TRIP4: variants seen among roughly 807,000 people sequenced by gnomAD.
TRIP4 encodes activating signal cointegrator 1.
TRIP4 carries 54 observed loss-of-function variants against 81.8 expected under a neutral mutation model. That is an observed-to-expected ratio of 0.66 (90% confidence interval 0.53 to 0.83). The LOEUF (loss-of-function observed/expected upper bound fraction) is 0.83, where lower values mean the gene tolerates loss of function less well. TRIP4 is among the 40% of genes least tolerant of loss of function. The pLI is 0.00. For missense variants in TRIP4, 662 were observed against 683.6 expected (o/e 0.97, Z 0.35); for synonymous variants, 270 against 242.8 (o/e 1.11, Z -1.04).
intron 9 of TRIP4, 103 bp downstream of exon 9, chr15:64,418,831 T>C: frequency 9.5e-7 from 1 of 1,053,342 alleles, no homozygotes; most frequent in Non-Finnish European, 1.3e-6. Flanking sequence ...AGTGATGATT[T>C]ATAATACTCT....
chr15:64,433,445 A>G (rs1892319603), intron 11 of TRIP4, among the ~76,000 whole-genome samples: 1 of 152,046 alleles, frequency 6.6e-6, no homozygotes, highest in Non-Finnish European at 1.5e-5. Flanking sequence ...TACTAAAAAT[A>G]CAAAAAAAAT....
At chr15:64,404,235 C>T (rs571893741) in intron 5 of TRIP4, among the ~76,000 whole-genome samples, 30 of 152,112 alleles carry the variant, frequency 2.0e-4, no homozygotes, top group Admixed American at 5.2e-4. Context: ...TAGCATTGTA[C>T]CCAGAATCCT....
At chr15:64,419,445 G>A (rs558413375) in intron 9 of TRIP4, among the ~76,000 whole-genome samples, 2 of 151,440 alleles carry the variant, frequency 1.3e-5, no homozygotes, top group Admixed American at 6.6e-5. Context: ...TGCAACCTCC[G>A]CCTCCCAGGT....
At chr15:64,407,058 T>C (rs1891639354) in intron 6 of TRIP4, among the ~76,000 whole-genome samples, 1 of 152,158 alleles carries the variant, frequency 6.6e-6, no homozygotes, top group Non-Finnish European at 1.5e-5. Context: ...CATTTTTTTT[T>C]CTTTTGAAAA....
intron 8 of TRIP4, among the ~76,000 whole-genome samples, chr15:64,414,546 T>C (rs1473128677): frequency 3.6e-5 from 5 of 138,052 alleles, no homozygotes; most frequent in African/African-American, 1.4e-4. Flanking sequence ...AGATGGAGTC[T>C]CACTCTGTTG....
At chr15:64,408,366 C>G (rs1891680548) in intron 6 of TRIP4, among the ~76,000 whole-genome samples, 1 of 150,284 alleles carries the variant, frequency 6.7e-6, no homozygotes, top group Non-Finnish European at 1.5e-5. Context: ...TCACGCCATT[C>G]TCCCGCCTCA....
chr15:64,394,718 C>T (rs1285555198), intron 2 of TRIP4, among the ~76,000 whole-genome samples: 1 of 151,900 alleles, frequency 6.6e-6, no homozygotes, highest in Non-Finnish European at 1.5e-5. Flanking sequence ...TTCAGTCGTG[C>T]ATACCTGGAT....
chr15:64,431,080 TTGTC>T (rs1334852898), intron 11 of TRIP4, among the ~76,000 whole-genome samples: 1 of 152,136 alleles, frequency 6.6e-6, no homozygotes, highest in Non-Finnish European at 1.5e-5. Context: ...CACCAATGAA[TTGTC>T]TGTGAGTCTG....
At chr15:64,390,998 A>G (rs1323301378) in intron 1 of TRIP4, among the ~76,000 whole-genome samples, 4 of 152,188 alleles carry the variant, frequency 2.6e-5, no homozygotes, top group African/African-American at 9.7e-5. Flanking sequence ...ATTCACTAGT[A>G]TTCCACAACA....
At chr15:64,454,083 T>C (rs1284374151) in intron 12 of TRIP4, among the ~76,000 whole-genome samples, 1 of 152,080 alleles carries the variant, frequency 6.6e-6, no homozygotes, top group East Asian at 1.9e-4. Context: ...GCCTGTGGTA[T>C]ACTCAGCTGC....
chr15:64,425,934 T>G (rs575892768), intron 11 of TRIP4, among the ~76,000 whole-genome samples: 1 of 152,064 alleles, frequency 6.6e-6, no homozygotes, highest in African/African-American at 2.4e-5. Flanking sequence ...ATACAAAAAA[T>G]TAGCCGGGTG....
At chr15:64,418,849 A>G in intron 9 of TRIP4, 121 bp downstream of exon 9, 1 of 923,958 alleles carries the variant, frequency 1.1e-6, no homozygotes. Context: ...TCTTCAATAA[A>G]TAGAACTTTG....
At position 64,389,851 on chromosome 15, in the gene TRIP4, A is replaced by C. The variant is rs1900068366; in HGVS notation, c.101+1887A>C. Among the ~76,000 whole-genome samples, 3 of 150,004 alleles carry C rather than the reference A, an allele frequency of 2.0e-5. No individual in the cohort carries two copies. The South Asian group carries it at 6.3e-4, about 31-fold the overall frequency. ...CGAGCAGCTGGGATTACAGGCGCGC[A>C]CCACCATGCCTGGCTAATTTTTGTA... On this transcript the variant is annotated intron_variant, in intron 1 of 12. Coordinates refer to ENST00000261884, the MANE Select transcript of TRIP4 (RefSeq NM_016213.5).
chr15:64,423,071 A>G (rs978993147), intron 9 of TRIP4, among the ~76,000 whole-genome samples: 1 of 152,196 alleles, frequency 6.6e-6, no homozygotes, highest in Non-Finnish European at 1.5e-5. Context: ...GAAAGTAGCA[A>G]TTAAATTCTC....
intron 9 of TRIP4, among the ~76,000 whole-genome samples, chr15:64,420,122 T>C (rs1210276696): frequency 6.6e-6 from 1 of 151,166 alleles, no homozygotes; most frequent in East Asian, 1.9e-4. Flanking sequence ...CTTCTTTCTT[T>C]CTTTTTTTTT....
rs1029742322 is a variant in TRIP4, at chr15:64,407,174, G to C, written c.827+715G>C. ...TCCTCAGAGAGACCCTGAATCTCTT[G>C]TAACCTGAGAGTCTGTTGCTGACAG... On this transcript the variant is annotated intron_variant, in intron 6 of 12. Transcript: ENST00000261884. Among the ~76,000 whole-genome samples the C allele has an allele frequency of 5.3e-5, 8 of 152,178 alleles. No individual in the cohort carries two copies. In the South Asian group the frequency reaches 8.3e-4, roughly 16 times the overall value.
intron 11 of TRIP4, among the ~76,000 whole-genome samples, chr15:64,433,748 C>T (rs564808593): frequency 1.0e-3 from 152 of 152,254 alleles, no homozygotes; most frequent in African/African-American, 3.5e-3. Flanking sequence ...GTGAAGTTAT[C>T]GGCCTCTATG....
At chr15:64,422,523 G>A (rs1892041809) in intron 9 of TRIP4, among the ~76,000 whole-genome samples, 2 of 152,138 alleles carry the variant, frequency 1.3e-5, no homozygotes, top group South Asian at 2.1e-4. Flanking sequence ...GTCTGTAAAC[G>A]CCATTAGAAC....
intron 8 of TRIP4, 124 bp from the exon 9 acceptor site, chr15:64,418,417 T>G: frequency 9.1e-7 from 1 of 1,099,684 alleles, no homozygotes. Context: ...CGGCCTGGGA[T>G]ATATTTTTCT....
Sources: allele counts gnomAD v4.1 joint callset (sites outside exome capture counted in the v4.1 genomes callset), GRCh38; gene constraint gnomAD v4.1.1; transcripts MANE v1.5; gene names NCBI Gene and HGNC (gene_info 2026-07-23, HGNC 2026-07-21).